Variants in LUC7L observed in about 807,000 individuals in gnomAD.
The protein encoded by LUC7L is putative RNA-binding protein Luc7-like 1.
In LUC7L, 29 loss-of-function variants were observed where a neutral mutation model predicts 51.1. That is an observed-to-expected ratio of 0.57 (90% CI 0.42 to 0.77). LUC7L has a LOEUF of 0.77. LUC7L is among the 30% of genes least tolerant of loss of function. The pLI, the probability that LUC7L is intolerant of heterozygous loss-of-function variation, is 0.00. For synonymous variants in LUC7L, 181 were observed against 180.7 expected, an observed-to-expected ratio of 1.00 and a Z score of -0.01; for missense variants, 403 against 511.9, an observed-to-expected ratio of 0.79 and a Z score of 2.05.
chr16:206,614 T>A (rs2142073580), intron 4 of LUC7L, among the ~76,000 whole-genome samples: 1 of 152,298 alleles, frequency 6.6e-6, no homozygotes, highest in East Asian at 1.9e-4. Context: ...TTAGTTCCAC[T>A]GAAGAGAAAA....
At chr16:205,681 C>T (rs780680253) in intron 5 of LUC7L, among the ~76,000 whole-genome samples, 7 of 152,210 alleles carry the variant, frequency 4.6e-5, no homozygotes, top group Non-Finnish European at 8.8e-5. Flanking sequence ...GCTCCGCCTC[C>T]CGGGTTCACG....
In LUC7L at chr16:203,110, C is replaced by T. The variant is rs150099835; in HGVS notation, c.510+2894G>A. On this transcript the variant is annotated intron_variant, in intron 5 of 9. Transcript: ENST00000293872. The stretch of plus-strand genomic sequence containing the variant: ...AGGTTGCAGCGAGCCATCGCACCAC[C>T]GCACTCCAGCCTGGGCAACAGAGAG... Among the ~76,000 whole-genome samples the T allele has an allele frequency of 5.2e-3, 786 of 152,162 alleles. 7 individuals are homozygous for T. Among genetic ancestry groups the T allele is most frequent in the African/African-American group, 0.017 (708 of 41,508 alleles).
chr16:229,431 C>T lies in LUC7L; in HGVS notation c.-92G>A. The T allele has an allele frequency of 8.6e-7, 1 of 1,162,902 alleles. No individual in the cohort carries two copies. The highest frequency in any genetic ancestry group is 1.2e-6 in the Non-Finnish European group (1 of 866,482). The allele number at this position is 1,162,902 out of a possible 1,614,324, so 72.0% of individuals were successfully genotyped here. ...CGACAAACGATGGTCGCGTCGGCCT[C>T]GAGCCCACTCGGCTCTTTCCCGCCG... On this transcript the variant is annotated 5_prime_UTR_variant, in exon 1 of 10. Transcript: ENST00000293872.
At position 189,172 on chromosome 16, in the gene LUC7L, C is replaced by CTA; in HGVS notation, c.*24_*25dup. 4 of 1,598,226 alleles carry CTA rather than the reference C, an allele frequency of 2.5e-6. No homozygotes were observed. The highest frequency in any genetic ancestry group is 2.6e-6 in the Non-Finnish European group (3 of 1,169,712). On this transcript the variant is annotated 3_prime_UTR_variant, in exon 10 of 10. Coordinates refer to ENST00000293872, the MANE Select transcript of LUC7L (RefSeq NM_201412.3). The stretch of plus-strand genomic sequence containing the variant: ...TTAGACTGTGTGAACGTTTATCAGA[C>CTA]TATTTACAGCACCCGGGAGACGGGT...
rs116357270 is a variant in LUC7L, at chr16:202,331, T to C, written c.511-3093A>G. Among the ~76,000 whole-genome samples, 1,061 of 152,182 alleles carry C rather than the reference T, an allele frequency of 7.0e-3. 12 individuals carry two copies. Among genetic ancestry groups the C allele is most frequent in the African/African-American group, 0.024 (1,000 of 41,512 alleles). On this transcript the variant is annotated intron_variant, in intron 5 of 9. Coordinates refer to ENST00000293872, the MANE Select transcript of LUC7L (RefSeq NM_201412.3). ...CTATCCCAGGGAGGGCACCAAGCCA[T>C]TGATGAGTGAACCACCCCCATGACC...
At position 192,941 on chromosome 16, in the gene LUC7L, C is replaced by G; in HGVS notation, c.762G>C (p.Glu254Asp). The change falls in exon 7 of 10, where the codon GAG becomes GAC. Residue 254 changes from glutamate to aspartate, a missense_variant. Physicochemically the swap from Glu to Asp is conservative, Grantham distance 45. Coordinates refer to ENST00000293872, the MANE Select transcript of LUC7L (RefSeq NM_201412.3). ...CTCAGGCTCACCTCCTGCTCAGACG[C>G]TCCTCCCGTTCCCTCTCCTCTCTCC... ...LRRREEREREERLSRRSGSRT... is the reference protein window; with the variant it reads ...LRRREEREREDRLSRRSGSRT... 1.2e-6 allele frequency: 2 copies of G among 1,613,156 alleles called. No homozygotes were observed. The highest frequency in any genetic ancestry group is 2.2e-5 in the South Asian group (2 of 91,062).
At chr16:213,198 A>C (rs565013950) in intron 3 of LUC7L, among the ~76,000 whole-genome samples, 264 of 152,294 alleles carry the variant, frequency 1.7e-3, no homozygotes, top group African/African-American at 6.1e-3. Flanking sequence ...CTTCCAGATA[A>C]AACATATCAA....
At chr16:202,743 AAGAC>A (rs2049369920) in intron 5 of LUC7L, among the ~76,000 whole-genome samples, 2 of 152,254 alleles carry the variant, frequency 1.3e-5, no homozygotes, top group South Asian at 2.1e-4. Context: ...TCAGAAATGA[AAGAC>A]AGGACATCAT....
At chr16:224,242 A>G (rs1425172927) in intron 2 of LUC7L, among the ~76,000 whole-genome samples, 12 of 149,698 alleles carry the variant, frequency 8.0e-5, no homozygotes, top group East Asian at 4.0e-4. Flanking sequence ...CATGAGGCCG[A>G]GCGCGGTGGC....
At chr16:191,899 GA>G (rs976276918) in intron 7 of LUC7L, among the ~76,000 whole-genome samples, 13 of 152,154 alleles carry the variant, frequency 8.5e-5, no homozygotes, top group African/African-American at 3.1e-4. Flanking sequence ...ATTATTTCAG[GA>G]AAAGTGGTTT....
At chr16:191,099 C>A (rs1233642816) in intron 7 of LUC7L, among the ~76,000 whole-genome samples, 5 of 152,128 alleles carry the variant, frequency 3.3e-5, no homozygotes, top group African/African-American at 1.2e-4. Context: ...CAGACAGGCC[C>A]ACATCCGAGC....
chr16:194,460 C>G (rs899080687), intron 6 of LUC7L, among the ~76,000 whole-genome samples: 1 of 152,188 alleles, frequency 6.6e-6, no homozygotes, highest in Non-Finnish European at 1.5e-5. Context: ...TGCTATACTT[C>G]TAACTCACAG....
chr16:197,447 G>A (rs1032631398), intron 6 of LUC7L, among the ~76,000 whole-genome samples: 4 of 151,706 alleles, frequency 2.6e-5, no homozygotes, highest in African/African-American at 4.8e-5. Context: ...TCCTGACCTC[G>A]TGATCCACCT....
intron 7 of LUC7L, among the ~76,000 whole-genome samples, chr16:191,772 G>C (rs1184952438): frequency 6.6e-6 from 1 of 152,198 alleles, no homozygotes; most frequent in East Asian, 1.9e-4. Context: ...TTGAACCCAG[G>C]GGGTGGAGGC....
intron 2 of LUC7L, 37 bp downstream of exon 2, chr16:227,205 T>G (rs1340693312): frequency 3.3e-6 from 5 of 1,525,936 alleles, no homozygotes; most frequent in Non-Finnish European, 4.5e-6. Context: ...AGCACTCATG[T>G]CAGAGTGTTC....
At chr16:190,463 G>C (rs2048982529) in intron 8 of LUC7L, 78 bp downstream of exon 8, 1 of 1,428,402 alleles carries the variant, frequency 7.0e-7, no homozygotes, top group Non-Finnish European at 9.9e-7. Flanking sequence ...CATTTGTAAA[G>C]GCATAATCAT....
rs769420366 is a variant in LUC7L, at chr16:229,370, C to G, written c.-31G>C. On this transcript the variant is annotated 5_prime_UTR_variant, in exon 1 of 10. Coordinates refer to ENST00000293872, the MANE Select transcript of LUC7L (RefSeq NM_201412.3). ...CCGGCGGAGGCGACGGGGTCGGCCGCGACGACTTCTCTCAGGCAGGCGGTG... is the reference window on the plus strand; with the variant it reads ...CCGGCGGAGGCGACGGGGTCGGCCGGGACGACTTCTCTCAGGCAGGCGGTG... 153 of 1,486,852 alleles carry G rather than the reference C, an allele frequency of 1.0e-4. No individual in the cohort carries two copies. Among genetic ancestry groups the G allele is most frequent in the Non-Finnish European group, 1.2e-4 (138 of 1,118,986 alleles). The allele number at this position is 1,486,852 out of a possible 1,614,324, so 92.1% of individuals were successfully genotyped here.
intron 1 of LUC7L, chr16:228,907 G>A: frequency 7.4e-7 from 1 of 1,350,588 alleles, no homozygotes; most frequent in African/African-American, 1.5e-5. Context: ...CCTCGGAAGA[G>A]TTCTGCCACC....
At chr16:214,727 T>A (rs913358116) in intron 3 of LUC7L, among the ~76,000 whole-genome samples, 2 of 152,140 alleles carry the variant, frequency 1.3e-5, no homozygotes, top group Admixed American at 1.3e-4. Flanking sequence ...ACAGGGTTTG[T>A]CATCTTGCCC....
Sources: gnomAD v4.1 joint callset for allele counts (sites outside exome capture counted in the v4.1 genomes callset) on GRCh38, gnomAD v4.1.1 for gene constraint, MANE v1.5 for transcripts, NCBI Gene and HGNC (gene_info 2026-07-23, HGNC 2026-07-21) for gene names.